The following TNXB variants were observed in gnomAD, a reference collection of about 807,000 sequenced individuals.
TNXB encodes the protein tenascin XB.
Under a neutral mutation model 340.5 loss-of-function variants are expected in TNXB, and 183 were observed. The ratio of observed to expected loss-of-function variants is 0.54; its 90% CI spans 0.48 to 0.61. TNXB has a LOEUF of 0.61. Ranked by LOEUF, TNXB falls within the 20% of genes least tolerant of loss-of-function variation. The pLI is 0.00. For synonymous variants in TNXB, 2,121 were observed against 2,314.5 expected (o/e 0.92, Z 2.40); for missense variants, 4,613 against 5,446.4 (o/e 0.85, Z 4.82).
chr6:32,050,857 C>T (rs1285580307), intron 26 of TNXB, among the ~76,000 whole-genome samples: 2 of 152,168 alleles, frequency 1.3e-5, no homozygotes, highest in African/African-American at 4.8e-5. Context: ...CACCAACTGC[C>T]TATTGGCTTC....
intron 43 of TNXB, 91 bp downstream of exon 43, chr6:32,041,680 C>G: frequency 8.6e-7 from 1 of 1,159,352 alleles, no homozygotes; most frequent in Non-Finnish European, 1.3e-6. Flanking sequence ...CACCCAGCCA[C>G]TCAGTCCCTT....
rs1780829246 is a variant in TNXB at position 32,103,539 on chromosome 6, T to C, written c.-8-5333A>G. 1.3e-5 allele frequency among the ~76,000 whole-genome samples: 2 copies of C among 152,076 alleles called. 1 individual carries two copies. The highest frequency in any genetic ancestry group is 1.3e-4 in the Admixed American group (2 of 15,264). On this transcript the variant is annotated intron_variant, in intron 1 of 43. Transcript: ENST00000644971. ...CATGGCCACAGTTGTCAAAATTTAT[T>C]TGTATTTGATGTTTACATTTCCTTA... is the stretch of plus-strand genomic sequence containing the variant.
In TNXB at chr6:32,070,384, G is replaced by A. The variant is rs1778700468; in HGVS notation, c.5021C>T (p.Pro1674Leu). The A allele has an allele frequency of 1.3e-6, 2 of 1,597,842 alleles. No homozygotes were observed. The highest frequency in any genetic ancestry group is 1.7e-6 in the Non-Finnish European group (2 of 1,170,696). ...CACCCACAGCTCCCCAAGGCGGGGTGGGGCCCCTGGGCTGGCGTCACCTCG... is the reference window on the plus strand; with the variant it reads ...CACCCACAGCTCCCCAAGGCGGGGTAGGGCCCCTGGGCTGGCGTCACCTCG... ...VARGDASPGA[P>L]PRLGELWVTD... Residue 1674 changes from proline to leucine, a missense_variant, in exon 14 of 44, where the codon CCA becomes CTA. By Grantham distance (98) the Pro-to-Leu change is moderately conservative. Transcript: ENST00000644971. This position sits in a 1 kb window ranked among gnomAD's most constrained non-coding sequence, Gnocchi z 6.0.
intron 1 of TNXB, among the ~76,000 whole-genome samples, chr6:32,105,606 C>G (rs1043163499): frequency 1.3e-5 from 2 of 152,102 alleles, no homozygotes; most frequent in African/African-American, 4.8e-5. Flanking sequence ...AAGGCTGGAA[C>G]CAAGGGCAGG....
In TNXB at chr6:32,080,566, G is replaced by C. The variant is rs1400165294; in HGVS notation, c.4042+802C>G. Among the ~76,000 whole-genome samples the C allele has an allele frequency of 6.6e-6, 1 of 152,234 alleles. No homozygotes were observed. Among genetic ancestry groups the C allele is most frequent in the Non-Finnish European group, 1.5e-5 (1 of 68,046 alleles). ...TAATTCCAACAGCTCTGTGCAGAGGGACTGAAATCCAGCCACCTGACAGAA... is the reference window on the plus strand; with the variant it reads ...TAATTCCAACAGCTCTGTGCAGAGGCACTGAAATCCAGCCACCTGACAGAA... On this transcript the variant is annotated intron_variant, in intron 10 of 43. Transcript: ENST00000644971. This position sits in a 1 kb window ranked among gnomAD's most constrained non-coding sequence, Gnocchi z 4.3.
At position 32,053,612 on chromosome 6, in the gene TNXB, G is replaced by A. The variant is rs1415732912; in HGVS notation, c.8567C>T (p.Thr2856Ile). The change falls in exon 25 of 44, where the codon ACC (threonine) becomes ATC (isoleucine). Residue 2856 changes from threonine (T) to isoleucine (I), a missense_variant. Transcript: ENST00000644971. ...RLGELTVTDA[T>I]PDSLSLSWMV... ...CCAGGACAGGCTGAGGGAGTCAGGG[G>A]TGGCATCTGTCACGGTCAGCTCCCC... The A allele has an allele frequency of 2.5e-6, 4 of 1,613,590 alleles. No individual in the cohort carries two copies. Among genetic ancestry groups the A allele is most frequent in the Middle Eastern group, 1.7e-4 (1 of 6,008 alleles).
Position 32,056,856 on chromosome 6 carries a change from G to A in TNXB, c.7873C>T (p.Pro2625Ser). 1 of 1,612,894 alleles carries A rather than the reference G, an allele frequency of 6.2e-7. No individual in the cohort carries two copies. The change falls in exon 23 of 44, where the codon CCC becomes TCC. Residue 2625 changes from proline (P) to serine (S), a missense_variant. Pro to Ser is a moderately conservative substitution (Grantham distance 74). Transcript: ENST00000644971. The stretch of plus-strand genomic sequence containing the variant: ...TCCCCCAGGCGAGGCTTGATGGGGG[G>A]CTCAGGGGTCATGGTAGGCACTGCT... The part of the protein sequence containing the change: ...TQAVPTMTPE[P>S]PIKPRLGELT...
At position 32,051,643 on chromosome 6, in the gene TNXB, C is replaced by T. The variant is rs1777288614; in HGVS notation, c.9115+1027G>A. 6.6e-6 allele frequency among the ~76,000 whole-genome samples: 1 copy of T among 152,004 alleles called. No homozygotes were observed. The highest frequency in any genetic ancestry group is 6.6e-5 in the Admixed American group (1 of 15,258). ...TTCTGGCCAGGTGCAGTGGCTCTTG[C>T]CTATAATCCCAGCACTTTGGGAGGT... is the stretch of plus-strand genomic sequence containing the variant. On this transcript the variant is annotated intron_variant, in intron 26 of 43. Transcript: ENST00000644971. The surrounding 1 kb of genome is among the most constrained non-coding windows in gnomAD (Gnocchi z 4.7).
In TNXB at chr6:32,068,053, G is replaced by A; in HGVS notation, c.6221-69C>T. 1 of 1,556,784 alleles carries A rather than the reference G, an allele frequency of 6.4e-7. No homozygotes were observed. The highest frequency in any genetic ancestry group is 8.7e-7 in the Non-Finnish European group (1 of 1,150,662). On this transcript the variant is annotated intron_variant, in intron 17 of 43. Coordinates refer to ENST00000644971, the MANE Select transcript of TNXB (RefSeq NM_001365276.2). The surrounding 1 kb of genome is among the most constrained non-coding windows in gnomAD (Gnocchi z 5.3). ...TGGGGAAAAGGAGGGAGAAGCCAAG[G>A]CTATGACTGGGGGACCCGAGGTCAG...
intron 1 of TNXB, among the ~76,000 whole-genome samples, chr6:32,103,316 G>C (rs1045393586): frequency 6.6e-5 from 10 of 151,790 alleles, no homozygotes; most frequent in Admixed American, 6.6e-5. Flanking sequence ...TGTAATCCCA[G>C]CTACTTGGGA....
Position 32,088,861 on chromosome 6 carries a change from G to A in TNXB, c.2703C>T (p.Gly901=), listed in dbSNP as rs759556629. The A allele has an allele frequency of 2.2e-5, 35 of 1,583,856 alleles. No individual in the cohort carries two copies. Among genetic ancestry groups the A allele is most frequent in the Non-Finnish European group, 2.7e-5 (31 of 1,165,292 alleles). ...DGTLLTDLMP[G]VEYVVTVTAE... ...CTGTGACAGTCACCACATATTCTAC[G>A]CCTGGCATCAGGTCAGTCAGCAGCG... The change falls in exon 6 of 44, where the codon GGC becomes GGT. Residue 901 remains glycine (G), a synonymous_variant. Transcript: ENST00000644971.
Position 32,084,757 on chromosome 6 carries a change from CTT to C in TNXB, c.3149-50_3149-49del, listed in dbSNP as rs751460273. On this transcript the variant is annotated intron_variant, in intron 7 of 43. Coordinates refer to ENST00000644971, the MANE Select transcript of TNXB (RefSeq NM_001365276.2). The surrounding 1 kb of genome is among the most constrained non-coding windows in gnomAD (Gnocchi z 5.5). The stretch of plus-strand genomic sequence containing the variant: ...AAAGCATAGTGGACTCAACCGTTCT[CTT>C]GTCTGTGTCTCCTTCCCTCTCCCCT... 13 of 1,469,856 alleles carry C rather than the reference CTT, an allele frequency of 8.8e-6. No homozygotes were observed. The highest frequency in any genetic ancestry group is 1.8e-4 in the Middle Eastern group (1 of 5,534). The allele number at this position is 1,469,856 out of a possible 1,614,324, so 91.1% of individuals were successfully genotyped here. A position where few individuals can be genotyped will look rare whatever the true frequency, so the allele number is the denominator to read the frequency against.
rs1335487801 is a variant in TNXB, at chr6:32,084,555, C to T, written c.3303G>A (p.Gly1101=). ...CTTCCACGGGCACCACCTGGGGCTG[C>T]CCGTCCCTGTCTTTGTACTGGATCA... is the stretch of plus-strand genomic sequence containing the variant. The part of the protein sequence containing the change: ...SFVIQYKDRD[G]QPQVVPVEGP... The change falls in exon 8 of 44, where the codon GGG becomes GGA. Residue 1101 remains glycine (G), a synonymous_variant. Transcript: ENST00000644971. The surrounding 1 kb of genome is among the most constrained non-coding windows in gnomAD (Gnocchi z 5.5). 11 of 1,608,754 alleles carry T rather than the reference C, an allele frequency of 6.8e-6. No individual in the cohort carries two copies. Among genetic ancestry groups the T allele is most frequent in the Non-Finnish European group, 8.5e-6 (10 of 1,178,676 alleles).
chr6:32,048,601 C>T lies in TNXB; in HGVS notation c.9807G>A (p.Ala3269=). ...LPVEPRLGEL[A]VAAVTSDSVG... is the part of the protein sequence containing the mutation. ...CTGAGTCCGAGGTCACGGCCGCCAC[C>T]GCCAGCTCCCCCAGGCGGGGCTCCA... The change falls in exon 29 of 44, where the codon GCG becomes GCA. Residue 3269 remains alanine (A), a synonymous_variant. Coordinates refer to ENST00000644971, the MANE Select transcript of TNXB (RefSeq NM_001365276.2). The T allele has an allele frequency of 6.6e-7, 1 of 1,507,412 alleles. No homozygotes were observed. The highest frequency in any genetic ancestry group is 8.9e-7 in the Non-Finnish European group (1 of 1,120,180). 93.4% of individuals were successfully genotyped at this position (1,507,412 alleles called of 1,614,324 possible). A position where few individuals can be genotyped will look rare whatever the true frequency, so the allele number is the denominator to read the frequency against.
At chr6:32,063,479 G>T (rs117194108) in intron 19 of TNXB, among the ~76,000 whole-genome samples, 31 of 152,038 alleles carry the variant, frequency 2.0e-4, no homozygotes, top group Non-Finnish European at 4.0e-4. Context: ...TCATCCACCT[G>T]GGCTTGGAAA....
Position 32,046,268 on chromosome 6 carries a change from C to T in TNXB, c.10513G>A (p.Glu3505Lys). The change falls in exon 31 of 44, where the codon GAG becomes AAG. Residue 3505 changes from glutamate to lysine, a missense_variant. By Grantham distance (56) the Glu-to-Lys change is moderately conservative. Coordinates refer to ENST00000644971, the MANE Select transcript of TNXB (RefSeq NM_001365276.2). This position sits in a 1 kb window ranked among gnomAD's most constrained non-coding sequence, Gnocchi z 6.9. Reference sequence around the variant, plus strand: ...TATTTCTTGCCAGGCTCCAGGTCCTCTACGGTGACTGTGCGCTGGTCTGCG... The same window carrying T: ...TATTTCTTGCCAGGCTCCAGGTCCTTTACGGTGACTGTGCGCTGGTCTGCG... ...VAADQRTVTV[E>K]DLEPGKKYKF... 1 of 1,606,330 alleles carries T rather than the reference C, an allele frequency of 6.2e-7. No homozygotes were observed. The highest frequency in any genetic ancestry group is 8.5e-7 in the Non-Finnish European group (1 of 1,178,104).
Position 32,049,257 on chromosome 6 carries a change from TC to T in TNXB, c.9757+12del, listed in dbSNP as rs772002470. On this transcript the variant is annotated intron_variant, in intron 28 of 43. Transcript: ENST00000644971. This position sits in a 1 kb window ranked among gnomAD's most constrained non-coding sequence, Gnocchi z 4.5. ...AGGTAAACCTGGGGACGAGGGCCTG[TC>T]CCCCCACTCACCCGTGATGCCCACG... The T allele has an allele frequency of 6.2e-6, 10 of 1,604,932 alleles. No homozygotes were observed. In the African/African-American group the frequency reaches 1.3e-4, roughly 21 times the overall value.
At chr6:32,057,501 C>CG (rs1777738010) in intron 22 of TNXB, among the ~76,000 whole-genome samples, 1 of 152,216 alleles carries the variant, frequency 6.6e-6, no homozygotes, top group South Asian at 2.1e-4. Context: ...TCAGCCCCCA[C>CG]GGATGAGCTT....
In TNXB at chr6:32,109,240, C is replaced by A. The variant is rs933770330; in HGVS notation, c.-68G>T. ...TGCTCTGTCCCCAACCCCGGGAGGG[C>A]GGCGTCTCAGGGCAGGACAGGGAAG... On this transcript the variant is annotated 5_prime_UTR_variant, in exon 1 of 44. Coordinates refer to ENST00000644971, the MANE Select transcript of TNXB (RefSeq NM_001365276.2). 1.3e-5 allele frequency: 2 copies of A among 152,344 alleles called. No individual in the cohort carries two copies. The highest frequency in any genetic ancestry group is 2.9e-5 in the Non-Finnish European group (2 of 68,150). The allele number at this position is 152,344 out of a possible 1,614,324, so 9.4% of individuals were successfully genotyped here.
Sources: gnomAD v4.1 joint callset for allele counts (sites outside exome capture counted in the v4.1 genomes callset) on GRCh38, gnomAD v4.1.1 for gene constraint, Gnocchi (gnomAD v3.1) non-coding constraint, MANE v1.5 for transcripts, NCBI Gene and HGNC (gene_info 2026-07-23, HGNC 2026-07-21) for gene names.